Variants in ESRP1 observed in about 807,000 individuals in gnomAD.
ESRP1 encodes RNA-binding motif protein 35A.
A neutral mutation model predicts 81.7 loss-of-function variants in ESRP1; 33 were observed. The observed-to-expected ratio is 0.40, with a 90% CI of 0.31 to 0.54. ESRP1 has a LOEUF of 0.54. Among genes scored for constraint, ESRP1 ranks in the 20% least tolerant of loss-of-function variants. The probability of loss-of-function intolerance (pLI) is 0.41; values close to 1 mark genes in which losing one functional copy is unlikely to be tolerated. For synonymous variants in ESRP1, 320 were observed against 303.3 expected (o/e 1.06, Z -0.57); for missense variants, 672 against 833.1 (o/e 0.81, Z 2.38).
At chr8:94,700,172 G>C (rs1809764663) in intron 15 of ESRP1, among the ~76,000 whole-genome samples, 1 of 152,200 alleles carries the variant, frequency 6.6e-6, no homozygotes, top group Admixed American at 6.5e-5. Context: ...CCAAACTGTA[G>C]CATGGCAAAG....
At chr8:94,663,138 C>G (rs1290432713) in intron 6 of ESRP1, among the ~76,000 whole-genome samples, 1 of 152,184 alleles carries the variant, frequency 6.6e-6, no homozygotes, top group East Asian at 1.9e-4. Flanking sequence ...TCTCCCCAAA[C>G]TATCCGATCT....
In ESRP1 at chr8:94,699,478, C is replaced by T. The variant is rs113656137; in HGVS notation, c.*35+2517C>T. 9.9e-5 allele frequency among the ~76,000 whole-genome samples: 15 copies of T among 150,998 alleles called. 1 individual carries two copies. Among genetic ancestry groups the T allele is most frequent in the East Asian group, 3.9e-4 (2 of 5,174 alleles). On this transcript the variant is annotated intron_variant, in intron 15 of 15. Coordinates refer to ENST00000433389, the MANE Select transcript of ESRP1 (RefSeq NM_017697.4). ...GCAACATGGCAAAACCCTGTCACTA[C>T]GAAAAAAAATACAGAAAATTACCTA...
Position 94,704,001 on chromosome 8 carries a change from T to C in ESRP1, c.*36-1924T>C, listed in dbSNP as rs77614870. ...GGAGAAGCCTTTCAGCATGTGGTAT[T>C]TTAAACTGAGTGCCAAATTGTGGTC... On this transcript the variant is annotated intron_variant, in intron 15 of 15. Coordinates refer to ENST00000433389, the MANE Select transcript of ESRP1 (RefSeq NM_017697.4). Among the ~76,000 whole-genome samples, 685 of 152,292 alleles carry C rather than the reference T, an allele frequency of 4.5e-3. 4 individuals carry two copies. The highest frequency in any genetic ancestry group is 0.016 in the African/African-American group (652 of 41,554).
chr8:94,705,452 G>A (rs1417696270), intron 15 of ESRP1, among the ~76,000 whole-genome samples: 1 of 152,180 alleles, frequency 6.6e-6, no homozygotes, highest in Non-Finnish European at 1.5e-5. Context: ...ACAGGCATGA[G>A]CCACCATGCC....
chr8:94,695,747 C>A (rs537458393), intron 14 of ESRP1, among the ~76,000 whole-genome samples: 6 of 146,270 alleles, frequency 4.1e-5, no homozygotes, highest in African/African-American at 1.7e-4. Context: ...TTTCCTCCAA[C>A]CTTTAACAAA....
chr8:94,683,815 C>T lies in ESRP1; in HGVS notation c.1820+5444C>T, dbSNP rs532815901. Among the ~76,000 whole-genome samples the T allele has an allele frequency of 3.9e-5, 6 of 152,208 alleles. No homozygotes were observed. The East Asian group carries it at 7.7e-4, about 20-fold the overall frequency. On this transcript the variant is annotated intron_variant, in intron 13 of 15. Transcript: ENST00000433389. Reference sequence around the variant, plus strand: ...AAATGATGTAAGGGAGAACAACTGCCGTGGGCAACTCACTCTCTCCTACTA... The same window carrying T: ...AAATGATGTAAGGGAGAACAACTGCTGTGGGCAACTCACTCTCTCCTACTA...
chr8:94,658,515 T>C (rs1818552903), intron 4 of ESRP1, among the ~76,000 whole-genome samples: 1 of 152,190 alleles, frequency 6.6e-6, no homozygotes. Context: ...TGGTGGGTCA[T>C]TTGTGGCCTA....
intron 10 of ESRP1, among the ~76,000 whole-genome samples, chr8:94,670,965 C>A (rs546708667): frequency 7.9e-5 from 12 of 152,112 alleles, no homozygotes; most frequent in Admixed American, 7.9e-4. Flanking sequence ...TTTACTGGGT[C>A]ATTCTCTATT....
intron 13 of ESRP1, among the ~76,000 whole-genome samples, chr8:94,684,138 C>T (rs1159767984): frequency 5.4e-4 from 67 of 123,742 alleles, no homozygotes; most frequent in Non-Finnish European, 8.7e-5. Flanking sequence ...TGAGCCACTG[C>T]GCACGCCTTG....
In ESRP1 at chr8:94,647,540, C is replaced by A. The variant is rs1817911336; in HGVS notation, c.490+1258C>A. Among the ~76,000 whole-genome samples the A allele has an allele frequency of 3.3e-5, 5 of 152,244 alleles. No homozygotes were observed. The South Asian group carries it at 1.0e-3, about 32-fold the overall frequency. On this transcript the variant is annotated intron_variant, in intron 4 of 15. Transcript: ENST00000433389. ...TCCTGGCTTGCAGGTAGCCAGCCAC[C>A]TTTTCTGGGGGGATAGCAGGAGGAG...
chr8:94,687,901 T>C (rs968744611), intron 13 of ESRP1, among the ~76,000 whole-genome samples: 1 of 152,204 alleles, frequency 6.6e-6, no homozygotes, highest in African/African-American at 2.4e-5. Flanking sequence ...TATAAAAGTT[T>C]TTAATTTTGA....
At chr8:94,659,141 A>C (rs760394835) in intron 4 of ESRP1, among the ~76,000 whole-genome samples, 18 of 152,128 alleles carry the variant, frequency 1.2e-4, no homozygotes, top group Non-Finnish European at 2.5e-4. Context: ...TCGGCCTCCC[A>C]AAGTGCCGGG....
At chr8:94,647,931 CA>C (rs1430743887) in intron 4 of ESRP1, among the ~76,000 whole-genome samples, 1 of 152,066 alleles carries the variant, frequency 6.6e-6, no homozygotes, top group Admixed American at 6.5e-5. Context: ...GGGTTGAGAC[CA>C]GGAGTGCTGA....
rs752006196 is a variant in ESRP1, at chr8:94,664,786, T to C, written c.734T>C (p.Phe245Ser). Residue 245 changes from phenylalanine to serine, a missense_variant, in exon 7 of 16, where the codon TTC becomes TCC. Phe to Ser is a radical substitution (Grantham distance 155). Transcript: ENST00000433389. Reference sequence around the variant, plus strand: ...TCAGATCAAGATATTGCAAGATTCTTCAAAGGACTCAATATTGCCAAGTTG... The same window carrying C: ...TCAGATCAAGATATTGCAAGATTCTCCAAAGGACTCAATATTGCCAAGTTG... The part of the protein sequence containing the change: ...QSSDQDIARF[F>S]KGLNIAKGGA... The C allele has an allele frequency of 2.5e-6, 4 of 1,613,770 alleles. No individual in the cohort carries two copies. The highest frequency in any genetic ancestry group is 3.4e-6 in the Non-Finnish European group (4 of 1,179,770).
chr8:94,662,442 C>T (rs1409355086), intron 5 of ESRP1, 59 bp from the exon 6 acceptor site: 1 of 1,553,444 alleles, frequency 6.4e-7, no homozygotes, highest in South Asian at 1.2e-5. Flanking sequence ...CTCAAATTTC[C>T]TCCTACAACT....
chr8:94,662,726 G>C (rs1818813338), intron 6 of ESRP1, among the ~76,000 whole-genome samples, 171 bp downstream of exon 6: 1 of 151,948 alleles, frequency 6.6e-6, no homozygotes, highest in East Asian at 1.9e-4. Context: ...TCCTGCCTCA[G>C]CCTCCCGAGT....
intron 13 of ESRP1, among the ~76,000 whole-genome samples, chr8:94,679,031 A>G (rs1225483697): frequency 6.6e-6 from 1 of 152,236 alleles, no homozygotes. Flanking sequence ...ATGCACGAGC[A>G]TGTAAATGAG....
chr8:94,700,219 G>A (rs1047309792), intron 15 of ESRP1, among the ~76,000 whole-genome samples: 1 of 152,170 alleles, frequency 6.6e-6, no homozygotes, highest in Non-Finnish European at 1.5e-5. Flanking sequence ...ACCGAGATAC[G>A]TCCACATCCT....
intron 15 of ESRP1, among the ~76,000 whole-genome samples, chr8:94,702,535 T>A (rs2130743064): frequency 6.6e-6 from 1 of 152,348 alleles, no homozygotes; most frequent in Admixed American, 6.5e-5. Context: ...TTTTATAAGA[T>A]CTTATTTTTT....
Sources: allele counts gnomAD v4.1 joint callset (sites outside exome capture counted in the v4.1 genomes callset), GRCh38; gene constraint gnomAD v4.1.1; transcripts MANE v1.5; gene names NCBI Gene and HGNC (gene_info 2026-07-23, HGNC 2026-07-21).